The following SUN1 variants were observed in gnomAD, a reference collection of about 807,000 sequenced individuals.
The protein encoded by SUN1 is Sad1 and UNC84 domain containing 1, also known as SUN domain-containing protein 1.
A neutral mutation model predicts 103.2 loss-of-function variants in SUN1; 61 were observed. The observed-to-expected ratio is 0.59, with a 90% CI of 0.48 to 0.73. SUN1 has a LOEUF of 0.73. SUN1 is among the 30% of genes least tolerant of loss of function. The pLI is 0.00. For missense variants in SUN1, 1,052 were observed against 1,034.6 expected (o/e 1.02, Z -0.23); for synonymous variants, 490 against 425.7 (o/e 1.15, Z -1.86).
At chr7:824,639 G>A (rs1019432382) in intron 1 of SUN1, among the ~76,000 whole-genome samples, 1 of 152,216 alleles carries the variant, frequency 6.6e-6, no homozygotes, top group African/African-American at 2.4e-5. Context: ...GTAAGGAGAT[G>A]TGTGCACGTG....
upstream of SUN1, chr7:816,442 T>TCCCTCTCCCC: frequency 3.7e-5 from 1 of 26,706 alleles, no homozygotes. Context: ...TCCCCCTCCC[T>TCCCTCTCCCC]CCCTCTCCCC....
At chr7:870,862 C>A (rs1467571238) in intron 17 of SUN1, among the ~76,000 whole-genome samples, 2 of 150,622 alleles carry the variant, frequency 1.3e-5, no homozygotes, top group South Asian at 4.2e-4. Flanking sequence ...CACTGTGTTA[C>A]TAGCATTTTC....
chr7:854,861 T>G, intron 10 of SUN1, 59 bp from the exon 11 acceptor site: 1 of 1,330,324 alleles, frequency 7.5e-7, no homozygotes. Context: ...TGGCCTGATT[T>G]GCCAGGTTTT....
At chr7:847,544 T>C (rs1168610256) in intron 5 of SUN1, among the ~76,000 whole-genome samples, 5 of 55,222 alleles carry the variant, frequency 9.1e-5, no homozygotes, top group East Asian at 6.9e-4. Flanking sequence ...TACCCCGCAG[T>C]CCAGTCTCCG....
intron 11 of SUN1, 42 bp from the exon 12 acceptor site, chr7:856,316 A>G (rs543205853): frequency 1.9e-6 from 3 of 1,584,962 alleles, no homozygotes; most frequent in East Asian, 2.2e-5. Context: ...AAGTTAATAT[A>G]TAACTTATGT....
intron 18 of SUN1, among the ~76,000 whole-genome samples, 171 bp downstream of exon 18, chr7:872,733 G>A (rs182076170): frequency 1.6e-4 from 24 of 152,290 alleles, no homozygotes; most frequent in Non-Finnish European, 3.2e-4. Context: ...GGCTAATAGC[G>A]TTCTCAGTTT....
chr7:817,282 T>C, intron 1 of SUN1: 1 of 772,976 alleles, frequency 1.3e-6, no homozygotes, highest in Non-Finnish European at 2.2e-6. Flanking sequence ...TTTTGTAGGG[T>C]TGTGGTCTCT....
intron 1 of SUN1, chr7:832,875 G>C: frequency 4.5e-6 from 2 of 441,306 alleles, no homozygotes; most frequent in Non-Finnish European, 8.2e-6. Flanking sequence ...ATGTTGAGAA[G>C]ATGTCTCTGT....
chr7:843,838 C>T (rs879611241), intron 5 of SUN1: 12 of 1,376,302 alleles, frequency 8.7e-6, no homozygotes, highest in South Asian at 1.6e-5. Flanking sequence ...TTTTATAAAA[C>T]GGCACAGATG....
intron 2 of SUN1, among the ~76,000 whole-genome samples, chr7:841,241 C>T (rs1470342062): frequency 1.6e-5 from 2 of 126,376 alleles, no homozygotes; most frequent in East Asian, 2.5e-4. Context: ...CCTATGACCA[C>T]CTATTTTTTT....
At chr7:858,179 C>T (rs531809393) in intron 13 of SUN1, among the ~76,000 whole-genome samples, 5 of 152,278 alleles carry the variant, frequency 3.3e-5, no homozygotes, top group South Asian at 2.1e-4. Flanking sequence ...CTTAGCCTCC[C>T]GAGTAGCTGG....
At chr7:867,121 G>A (rs1837601715) in intron 16 of SUN1, among the ~76,000 whole-genome samples, 1 of 152,194 alleles carries the variant, frequency 6.6e-6, no homozygotes, top group Admixed American at 6.5e-5. Flanking sequence ...TCGTCATCAT[G>A]ATCTCGTCCC....
chr7:870,887 C>CTTTTTTT (rs59711259), intron 17 of SUN1, among the ~76,000 whole-genome samples: 3 of 101,084 alleles, frequency 3.0e-5, no homozygotes, highest in African/African-American at 1.3e-4. Flanking sequence ...TATTTTCTTT[C>CTTTTTTT]TTTTTTTTTT....
At chr7:825,953 A>G (rs914413388) in intron 1 of SUN1, among the ~76,000 whole-genome samples, 3 of 152,142 alleles carry the variant, frequency 2.0e-5, no homozygotes, top group African/African-American at 7.2e-5. Context: ...GACTTAAGAA[A>G]CAAACCGGGC....
chr7:850,152 A>G (rs1425511842), intron 5 of SUN1: 5 of 935,156 alleles, frequency 5.3e-6, no homozygotes, highest in East Asian at 2.7e-5. Flanking sequence ...TGACAGGAAT[A>G]GTATTAACTT....
At chr7:825,062 ATTTTT>A (rs746564288) in intron 1 of SUN1, among the ~76,000 whole-genome samples, 1 of 144,274 alleles carries the variant, frequency 6.9e-6, no homozygotes, top group South Asian at 2.2e-4. Flanking sequence ...TATTACGATA[ATTTTT>A]TTTTTTTTTT....
upstream of SUN1, among the ~76,000 whole-genome samples, chr7:827,790 T>C (rs1249684237): frequency 1.3e-5 from 2 of 151,836 alleles, no homozygotes; most frequent in Admixed American, 1.3e-4. Context: ...TACCAAAGCA[T>C]TCAAGAAAAA....
At chr7:832,663 G>C (rs764182723) in intron 1 of SUN1, 62 bp downstream of exon 1, 1 of 1,387,640 alleles carries the variant, frequency 7.2e-7, no homozygotes, top group African/African-American at 1.4e-5. Context: ...TCGCGGTGGC[G>C]TGGACCTTAA....
chr7:852,577 T>TC (rs1823285119), intron 7 of SUN1, 32 bp from the exon 8 acceptor site: 1 of 1,613,924 alleles, frequency 6.2e-7, no homozygotes. Flanking sequence ...TTTCATTTTT[T>TC]CTAAGTCAAA....
Sources: allele counts gnomAD v4.1 joint callset (sites outside exome capture counted in the v4.1 genomes callset), GRCh38; gene constraint gnomAD v4.1.1; transcripts MANE v1.5; gene names NCBI Gene and HGNC (gene_info 2026-07-23, HGNC 2026-07-21).